Variants in RALYL observed in about 807,000 individuals in gnomAD.
RALYL encodes the protein RNA-binding Raly-like protein.
Under a neutral mutation model 35.1 loss-of-function variants are expected in RALYL, and 29 were observed. The ratio of observed to expected loss-of-function variants is 0.83; its 90% CI spans 0.61 to 1.13. RALYL has a LOEUF of 1.13. Ranked by LOEUF, RALYL falls within the 50% of genes most tolerant of loss-of-function variation. The pLI is 0.00. For synonymous variants in RALYL, 120 were observed against 127.6 expected, an observed-to-expected ratio of 0.94 and a Z score of 0.40; for missense variants, 359 against 360.4, an observed-to-expected ratio of 1.00 and a Z score of 0.03.
chr8:84,667,177 A>G (rs1037283233), intron 2 of RALYL, among the ~76,000 whole-genome samples: 2 of 151,834 alleles, frequency 1.3e-5, no homozygotes, highest in Non-Finnish European at 2.9e-5. Context: ...GTTTATTTTT[A>G]CTTTTTTTTT....
At chr8:84,783,040 C>T (rs1305866893) in intron 3 of RALYL, among the ~76,000 whole-genome samples, 1 of 152,186 alleles carries the variant, frequency 6.6e-6, no homozygotes, top group African/African-American at 2.4e-5. Context: ...ATCTCATTCC[C>T]TTTGTGCTCA....
chr8:84,379,435 G>GTAGTACT (rs1038306163), intron 1 of RALYL, among the ~76,000 whole-genome samples: 25 of 151,882 alleles, frequency 1.6e-4, no homozygotes, highest in Admixed American at 6.6e-5. Flanking sequence ...GAGTAAAAAT[G>GTAGTACT]TAGTACTTTC....
intron 1 of RALYL, among the ~76,000 whole-genome samples, chr8:84,495,731 T>G (rs1360719378): frequency 6.6e-6 from 1 of 152,138 alleles, no homozygotes; most frequent in African/African-American, 2.4e-5. Flanking sequence ...TTTACAGTCT[T>G]AAGCAGTTTA....
chr8:84,702,577 CCTTT>C (rs1392617645), intron 2 of RALYL, among the ~76,000 whole-genome samples: 2 of 148,286 alleles, frequency 1.3e-5, no homozygotes, highest in African/African-American at 5.0e-5. Flanking sequence ...TCATTCTTTC[CCTTT>C]CTCTCTTCCT....
Position 84,241,635 on chromosome 8 carries a change from G to A in RALYL, c.-24+57211G>A, listed in dbSNP as rs963616528. ...TATTAAAAATATGAAAAAACTAGCC[G>A]GGCTTGGGGGTGCGTGCCTGTAGTC... On this transcript the variant is annotated intron_variant, in intron 1 of 8. Coordinates refer to ENST00000521268, the MANE Select transcript of RALYL (RefSeq NM_173848.7). Among the ~76,000 whole-genome samples, 8 of 151,880 alleles carry A rather than the reference G, an allele frequency of 5.3e-5. No homozygotes were observed. The South Asian group carries it at 8.3e-4, about 16-fold the overall frequency.
At chr8:84,796,051 G>C (rs1821837203) in intron 3 of RALYL, among the ~76,000 whole-genome samples, 1 of 152,162 alleles carries the variant, frequency 6.6e-6, no homozygotes, top group Admixed American at 6.5e-5. Context: ...GCTGGCACGA[G>C]AGTCCACTGT....
chr8:84,886,197 T>C (rs532527893), intron 7 of RALYL, among the ~76,000 whole-genome samples: 1 of 152,170 alleles, frequency 6.6e-6, no homozygotes, highest in Non-Finnish European at 1.5e-5. Flanking sequence ...TGCAAGAAAG[T>C]ATAGATACAC....
intron 1 of RALYL, among the ~76,000 whole-genome samples, chr8:84,454,132 G>T (rs2049853523): frequency 6.6e-6 from 1 of 151,992 alleles, no homozygotes; most frequent in Non-Finnish European, 1.5e-5. Flanking sequence ...GTGATGTGGG[G>T]TGTGTGCCAC....
At chr8:84,415,343 G>A (rs553430992) in intron 1 of RALYL, among the ~76,000 whole-genome samples, 22 of 151,656 alleles carry the variant, frequency 1.5e-4, no homozygotes, top group African/African-American at 4.8e-4. Context: ...AGGTTCAAGC[G>A]ATTCTCCTGC....
chr8:84,339,639 C>T (rs1417575901), intron 1 of RALYL, among the ~76,000 whole-genome samples: 1 of 151,786 alleles, frequency 6.6e-6, no homozygotes, highest in Non-Finnish European at 1.5e-5. Context: ...GAAAGCACCC[C>T]ACCCCCCAGT....
intron 5 of RALYL, among the ~76,000 whole-genome samples, chr8:84,854,233 C>A (rs2134888848): frequency 6.6e-6 from 1 of 151,988 alleles, no homozygotes; most frequent in African/African-American, 2.4e-5. Context: ...GTAATACCAG[C>A]TACTCAGGAG....
At chr8:84,302,078 G>C (rs1840901511) in intron 1 of RALYL, among the ~76,000 whole-genome samples, 1 of 152,128 alleles carries the variant, frequency 6.6e-6, no homozygotes, top group Non-Finnish European at 1.5e-5. Context: ...AATAATAGTT[G>C]AAATGTGGAG....
intron 6 of RALYL, 81 bp from the exon 7 acceptor site, chr8:84,873,203 G>A (rs1170081449): frequency 9.4e-6 from 6 of 638,840 alleles, no homozygotes; most frequent in Admixed American, 3.0e-5. Flanking sequence ...GAGAAAATAC[G>A]GGGTCCCTGT....
chr8:84,296,362 A>C (rs115095011), intron 1 of RALYL, among the ~76,000 whole-genome samples: 1,671 of 152,240 alleles, frequency 0.011, 31 homozygotes, highest in African/African-American at 0.038. Context: ...AAAGGTTCCC[A>C]AGAAACCAGA....
At chr8:84,786,500 G>GT (rs965076147) in intron 3 of RALYL, among the ~76,000 whole-genome samples, 3 of 151,902 alleles carry the variant, frequency 2.0e-5, no homozygotes, top group African/African-American at 2.4e-5. Flanking sequence ...GTTGTTTCTT[G>GT]TTTTTTTAAT....
intron 2 of RALYL, among the ~76,000 whole-genome samples, chr8:84,577,274 G>A (rs548063323): frequency 6.6e-6 from 1 of 152,196 alleles, no homozygotes; most frequent in Admixed American, 6.5e-5. Flanking sequence ...TCAAGTAGTT[G>A]ATTGACTGAA....
intron 1 of RALYL, among the ~76,000 whole-genome samples, chr8:84,186,054 T>C (rs1447970325): frequency 6.6e-6 from 1 of 152,246 alleles, no homozygotes. Context: ...GGACATTTCA[T>C]TGTATTTCCT....
At chr8:84,835,887 G>A (rs1374501907) in intron 4 of RALYL, among the ~76,000 whole-genome samples, 5 of 152,040 alleles carry the variant, frequency 3.3e-5, no homozygotes, top group East Asian at 3.9e-4. Flanking sequence ...CAGACAGAGC[G>A]TAGGTGCTGA....
Position 84,335,904 on chromosome 8 carries a change from A to T in RALYL, c.-24+151480A>T, listed in dbSNP as rs574836915. 1.6e-4 allele frequency among the ~76,000 whole-genome samples: 25 copies of T among 152,196 alleles called. 1 individual carries two copies. The highest frequency in any genetic ancestry group is 1.0e-3 in the South Asian group (5 of 4,826). ...ATAGTGATTAAATCTAGCAAGTGCAATTAAGTAAACATTTCCAGCTCCTGT... is the reference window on the plus strand; with the variant it reads ...ATAGTGATTAAATCTAGCAAGTGCATTTAAGTAAACATTTCCAGCTCCTGT... On this transcript the variant is annotated intron_variant, in intron 1 of 8. Transcript: ENST00000521268.
Sources: allele counts gnomAD v4.1 joint callset (sites outside exome capture counted in the v4.1 genomes callset), GRCh38; gene constraint gnomAD v4.1.1; transcripts MANE v1.5; gene names NCBI Gene and HGNC (gene_info 2026-07-23, HGNC 2026-07-21).